The following TRDN variants were observed in gnomAD, a reference collection of about 807,000 sequenced individuals.
TRDN encodes triadin.
Under a neutral mutation model 149.7 loss-of-function variants are expected in TRDN, and 161 were observed. The observed-to-expected ratio is 1.08, with a 90% CI of 0.95 to 1.23. The LOEUF is 1.23. Among genes scored for constraint, TRDN ranks in the 50% most tolerant of loss-of-function variants. The pLI is 0.00. For synonymous variants in TRDN, 294 were observed against 250.5 expected (o/e 1.17, Z -1.64); for missense variants, 896 against 823.5 (o/e 1.09, Z -1.08).
At position 123,255,101 on chromosome 6, in the gene TRDN, T is replaced by G. The variant is rs769431351; in HGVS notation, c.1931A>C (p.Gln644Pro). Residue 644 changes from glutamine (Q) to proline (P), a missense_variant, in exon 37 of 41, where the codon CAA becomes CCA. By Grantham distance (76) the Gln-to-Pro change is moderately conservative. Transcript: ENST00000334268. ...ATTACCTTTTGTCACATTGTGTAAT[T>G]GAAGACTTTCTTTTCTTGTTGAGAC... ...EKVSTRKESL[Q>P]LHNVTKAEKP... The G allele has an allele frequency of 6.5e-6, 9 of 1,379,326 alleles. No individual in the cohort carries two copies. In the South Asian group the frequency reaches 1.3e-4, roughly 20 times the overall value. 85.4% of individuals were successfully genotyped at this position (1,379,326 alleles called of 1,614,324 possible).
At chr6:123,584,702 G>T (rs1429320632) in intron 1 of TRDN, among the ~76,000 whole-genome samples, 1 of 152,160 alleles carries the variant, frequency 6.6e-6, no homozygotes, top group African/African-American at 2.4e-5. Flanking sequence ...CCTAGTGGGT[G>T]TCAGGGTCAG....
chr6:123,217,563 A>T lies in TRDN; in HGVS notation c.*1038T>A, dbSNP rs936496682. On this transcript the variant is annotated 3_prime_UTR_variant, in exon 41 of 41. Transcript: ENST00000334268. The stretch of plus-strand genomic sequence containing the variant: ...AGGGATGCACTGTCGAGTAGATTAA[A>T]AATTGTTATCCATGTCATTGGCACT... The T allele has an allele frequency of 1.3e-5, 2 of 151,970 alleles. No individual in the cohort carries two copies. Among genetic ancestry groups the T allele is most frequent in the South Asian group, 2.1e-4 (1 of 4,836 alleles). The allele number at this position is 151,970 out of a possible 1,614,324, so 9.4% of individuals were successfully genotyped here.
chr6:123,613,477 C>G (rs908556945), intron 1 of TRDN, among the ~76,000 whole-genome samples: 4 of 152,142 alleles, frequency 2.6e-5, no homozygotes, highest in Non-Finnish European at 5.9e-5. Flanking sequence ...AATTAATCCA[C>G]TATTTTATTC....
At chr6:123,437,970 C>CT in intron 12 of TRDN, 93 bp downstream of exon 12, 31 of 1,098,824 alleles carry the variant, frequency 2.8e-5, no homozygotes, top group Non-Finnish European at 4.1e-5. Flanking sequence ...ATATAAGTAA[C>CT]TGTGTGCAAT....
At chr6:123,477,059 T>A (rs1395791482) in intron 9 of TRDN, among the ~76,000 whole-genome samples, 5 of 109,200 alleles carry the variant, frequency 4.6e-5, no homozygotes, top group Non-Finnish European at 7.4e-5. Flanking sequence ...AATTGACAAA[T>A]GGGATCTAAT....
At chr6:123,363,862 T>A (rs938800544) in intron 20 of TRDN, among the ~76,000 whole-genome samples, 4 of 152,208 alleles carry the variant, frequency 2.6e-5, no homozygotes, top group Non-Finnish European at 5.9e-5. Context: ...TCCTTACATA[T>A]TTTGAGTTTG....
intron 35 of TRDN, among the ~76,000 whole-genome samples, chr6:123,256,995 T>C (rs1322304800): frequency 1.3e-5 from 2 of 151,694 alleles, no homozygotes; most frequent in Admixed American, 1.3e-4. Context: ...TTCTTTTTTT[T>C]TTTTTAGACA....
At chr6:123,495,202 T>C (rs1051507305) in intron 9 of TRDN, among the ~76,000 whole-genome samples, 1 of 151,978 alleles carries the variant, frequency 6.6e-6, no homozygotes, top group Non-Finnish European at 1.5e-5. Flanking sequence ...AATGGGTGCA[T>C]ACCGCCATGC....
chr6:123,412,646 C>T (rs1773490336), intron 12 of TRDN, among the ~76,000 whole-genome samples: 1 of 152,142 alleles, frequency 6.6e-6, no homozygotes, highest in African/African-American at 2.4e-5. Context: ...GCCTGATCAT[C>T]ATTGGTTACA....
intron 22 of TRDN, among the ~76,000 whole-genome samples, chr6:123,336,055 C>T (rs1218798427): frequency 6.6e-6 from 1 of 151,916 alleles, no homozygotes; most frequent in Non-Finnish European, 1.5e-5. Context: ...AGTGTAGTTA[C>T]CCCAATAGCA....
chr6:123,584,843 A>C lies in TRDN; in HGVS notation c.23-13711T>G, dbSNP rs139661966. On this transcript the variant is annotated intron_variant, in intron 1 of 40. Coordinates refer to ENST00000334268, the MANE Select transcript of TRDN (RefSeq NM_006073.4). ...AGGATAGGAGAGTATATGGATTTGG[A>C]ACCACGGGGTGGATAGGCAAAACAA... Among the ~76,000 whole-genome samples, 224 of 152,206 alleles carry C rather than the reference A, an allele frequency of 1.5e-3. 1 individual carries two copies. Among genetic ancestry groups the C allele is most frequent in the African/African-American group, 3.1e-3 (129 of 41,508 alleles).
rs533597294 is a variant in TRDN, at chr6:123,294,892, A to G, written c.1511-15810T>C. 7.2e-5 allele frequency among the ~76,000 whole-genome samples: 11 copies of G among 152,134 alleles called. No homozygotes were observed. The East Asian group carries it at 1.2e-3, about 16-fold the overall frequency. ...GGCCCCTTACAGCAGGTATCTAGAG[A>G]TTTTTACTCCTCCAGTGCTAGGCAG... On this transcript the variant is annotated intron_variant, in intron 24 of 40. Coordinates refer to ENST00000334268, the MANE Select transcript of TRDN (RefSeq NM_006073.4).
chr6:123,529,320 A>G (rs773759564), intron 5 of TRDN: 114 of 1,548,678 alleles, frequency 7.4e-5, no homozygotes, highest in Non-Finnish European at 9.4e-5. Flanking sequence ...TAAGAACCGA[A>G]AAAAGGAAAG....
chr6:123,616,619 T>C (rs893480230), intron 1 of TRDN, among the ~76,000 whole-genome samples: 26 of 152,202 alleles, frequency 1.7e-4, no homozygotes, highest in African/African-American at 6.0e-4. Flanking sequence ...GTTGTTATTG[T>C]TGTTTTCCTT....
At chr6:123,518,506 T>C (rs1284784489) in intron 5 of TRDN, among the ~76,000 whole-genome samples, 1 of 152,190 alleles carries the variant, frequency 6.6e-6, no homozygotes, top group Admixed American at 6.5e-5. Flanking sequence ...TCTCTGTCTC[T>C]GTAAGGAATG....
At chr6:123,464,328 C>A in intron 10 of TRDN, 1 of 981,692 alleles carries the variant, frequency 1.0e-6, no homozygotes. Flanking sequence ...GTATTAACCA[C>A]CAGTTGTATA....
At chr6:123,318,741 T>G (rs554573950) in intron 23 of TRDN, among the ~76,000 whole-genome samples, 48 of 152,122 alleles carry the variant, frequency 3.2e-4, no homozygotes, top group Non-Finnish European at 5.4e-4. Flanking sequence ...AATGAAATCT[T>G]CTCAGCCTTA....
At chr6:123,521,199 T>C (rs1291878357) in intron 5 of TRDN, among the ~76,000 whole-genome samples, 1 of 152,090 alleles carries the variant, frequency 6.6e-6, no homozygotes, top group African/African-American at 2.4e-5. Flanking sequence ...CATATGATAT[T>C]GTTATGGGTT....
intron 1 of TRDN, among the ~76,000 whole-genome samples, chr6:123,610,166 A>G (rs1784728663): frequency 6.6e-6 from 1 of 152,198 alleles, no homozygotes; most frequent in African/African-American, 2.4e-5. Context: ...AAGTTTCACA[A>G]GTGCCATGTC....
Sources: gnomAD v4.1 joint callset for allele counts (sites outside exome capture counted in the v4.1 genomes callset) on GRCh38, gnomAD v4.1.1 for gene constraint, MANE v1.5 for transcripts, NCBI Gene and HGNC (gene_info 2026-07-23, HGNC 2026-07-21) for gene names.